MYC: variants seen among roughly 807,000 people sequenced by gnomAD.
MYC encodes myc proto-oncogene protein.
A neutral mutation model predicts 30.5 loss-of-function variants in MYC; 1 was observed. The observed-to-expected ratio is 0.03, with a 90% CI of 0.01 to 0.16. The LOEUF (loss-of-function observed/expected upper bound fraction) is 0.16, where lower values mean the gene tolerates loss of function less well. Ranked by LOEUF, MYC falls within the 10% of genes least tolerant of loss-of-function variation. The pLI, the probability that MYC is intolerant of heterozygous loss-of-function variation, is 1.00. For synonymous variants in MYC, 267 were observed against 250.7 expected (o/e 1.07, Z -0.62); for missense variants, 508 against 589.0 (o/e 0.86, Z 1.42).
rs4645975 is a variant in MYC, at chr8:127,742,625, T to C, written c.*1667T>C. 9.0e-3 allele frequency among the ~76,000 whole-genome samples: 1,377 copies of C among 152,342 alleles called. 22 individuals are homozygous for C. The highest frequency in any genetic ancestry group is 0.032 in the African/African-American group (1,317 of 41,568). On this transcript the variant is annotated 3_prime_UTR_variant, in exon 3 of 3. Coordinates refer to ENST00000621592, the MANE Select transcript of MYC (RefSeq NM_002467.6). ...CCTGGGAAGAAGCCAGTTCAGATCATAAAATAAAACATATTTATTCTTTGT... is the reference window on the plus strand; with the variant it reads ...CCTGGGAAGAAGCCAGTTCAGATCACAAAATAAAACATATTTATTCTTTGT...
rs1403280540 is a variant in MYC, at chr8:127,742,592, T to G, written c.*1634T>G. Among the ~76,000 whole-genome samples the G allele has an allele frequency of 6.6e-6, 1 of 152,242 alleles. No homozygotes were observed. The highest frequency in any genetic ancestry group is 2.4e-5 in the African/African-American group (1 of 41,466). ...TTAGCCATTTGTTGAATCAGACTCA[T>G]GACGGCTCCTGGGAAGAAGCCAGTT... On this transcript the variant is annotated 3_prime_UTR_variant, in exon 3 of 3. Transcript: ENST00000621592.
intron 1 of MYC, among the ~76,000 whole-genome samples, chr8:127,737,944 G>A (rs1013639773): frequency 1.3e-5 from 2 of 152,162 alleles, no homozygotes; most frequent in African/African-American, 4.8e-5. Flanking sequence ...GGCCGATTTC[G>A]ATTCCTCTGC....
At position 127,741,382 on chromosome 8, in the gene MYC, G is replaced by A; in HGVS notation, c.*424G>A. On this transcript the variant is annotated 3_prime_UTR_variant, in exon 3 of 3. Coordinates refer to ENST00000621592, the MANE Select transcript of MYC (RefSeq NM_002467.6). ...TTTTTAAAGTTGATTTTTTTCTATT[G>A]TTTTTAGAAAAAATAAAATAACTGG... The A allele has an allele frequency of 4.4e-6, 1 of 227,776 alleles. No individual in the cohort carries two copies. Among genetic ancestry groups the A allele is most frequent in the Non-Finnish European group, 8.7e-6 (1 of 114,806 alleles). 14.1% of individuals were successfully genotyped at this position (227,776 alleles called of 1,614,324 possible).
chr8:127,740,448 G>T lies in MYC; in HGVS notation c.855G>T (p.Arg285Ser), dbSNP rs199809179. 3.7e-6 allele frequency: 6 copies of T among 1,614,070 alleles called. No homozygotes were observed. Among genetic ancestry groups the T allele is most frequent in the Non-Finnish European group, 5.1e-6 (6 of 1,180,010 alleles). Residue 285 changes from arginine to serine, a missense_variant, in exon 3 of 3, where the codon AGG becomes AGT. This residue lies in a region of MYC where 364 missense variants were observed against 381.1 expected (regional missense o/e 0.96). Transcript: ENST00000621592. ...TCGATGTTGTTTCTGTGGAAAAGAG[G>T]CAGGCTCCTGGCAAAAGGTCAGAGT...
chr8:127,736,945 C>G (rs1813602007), intron 1 of MYC, among the ~76,000 whole-genome samples: 1 of 152,346 alleles, frequency 6.6e-6, no homozygotes, highest in African/African-American at 2.4e-5. Flanking sequence ...GTGTTAATTG[C>G]TCTCTGGGTT....
At chr8:127,735,837 G>T, upstream of MYC, 1 of 399,028 alleles carries the variant, frequency 2.5e-6, no homozygotes, top group Non-Finnish European at 4.4e-6. Flanking sequence ...AAAGAAAATG[G>T]TAGGCGCGCG....
At chr8:127,735,434 G>C, upstream of MYC, 1 of 399,254 alleles carries the variant, frequency 2.5e-6, no homozygotes. Context: ...AAATGCAATG[G>C]GAGTTTATTC....
Position 127,738,963 on chromosome 8 carries a change from G to A in MYC, c.746G>A (p.Ser249Asn), listed in dbSNP as rs772761233. 27 of 1,568,418 alleles carry A rather than the reference G, an allele frequency of 1.7e-5. No homozygotes were observed. Among genetic ancestry groups the A allele is most frequent in the Non-Finnish European group, 2.1e-5 (25 of 1,165,840 alleles). ...TCGACGGAGTCCTCCCCGCAGGGCA[G>A]CCCCGAGCCCCTGGTGCTCCATGAG... Residue 249 changes from serine to asparagine, a missense_variant, in exon 2 of 3, where the codon AGC (serine) becomes AAC (asparagine). This residue lies in a region of MYC where 364 missense variants were observed against 381.1 expected (regional missense o/e 0.96). Transcript: ENST00000621592. The surrounding 1 kb of genome is among the most constrained non-coding windows in gnomAD (Gnocchi z 7.6).
chr8:127,741,014 G>A lies in MYC; in HGVS notation c.*56G>A, dbSNP rs1190366265. ...AGAAATGTCCTGAGCAATCACCTAT[G>A]AACTTGTTTCAAATGCATGATCAAA... On this transcript the variant is annotated 3_prime_UTR_variant, in exon 3 of 3. Transcript: ENST00000621592. 6.8e-7 allele frequency: 1 copy of A among 1,461,446 alleles called. No individual in the cohort carries two copies. 90.5% of individuals were successfully genotyped at this position (1,461,446 alleles called of 1,614,324 possible).
In MYC at chr8:127,736,526, T is replaced by G; in HGVS notation, c.-68T>G. ...ACGCGGGGAGGCTATTCTGCCCATT[T>G]GGGGACACTTCCCCGCCGCTGCCAG... On this transcript the variant is annotated 5_prime_UTR_variant, in exon 1 of 3. Coordinates refer to ENST00000621592, the MANE Select transcript of MYC (RefSeq NM_002467.6). 6.4e-7 allele frequency: 1 copy of G among 1,574,720 alleles called. No individual in the cohort carries two copies. The highest frequency in any genetic ancestry group is 8.7e-7 in the Non-Finnish European group (1 of 1,146,804).
At position 127,738,726 on chromosome 8, in the gene MYC, C is replaced by G. The variant is rs1813652258; in HGVS notation, c.509C>G (p.Ala170Gly). ...GAGAAGCTGGCCTCCTACCAGGCTGCGCGCAAAGACAGCGGCAGCCCGAAC... is the reference window on the plus strand; with the variant it reads ...GAGAAGCTGGCCTCCTACCAGGCTGGGCGCAAAGACAGCGGCAGCCCGAAC... Residue 170 changes from alanine to glycine, a missense_variant, in exon 2 of 3, where the codon GCG (alanine) becomes GGG (glycine). Physicochemically the swap from Ala to Gly is moderately conservative, Grantham distance 60. Around this residue, in one of 5 missense-constraint regions of MYC, gnomAD observed 364 missense variants for 381.1 expected, o/e 0.96. Coordinates refer to ENST00000621592, the MANE Select transcript of MYC (RefSeq NM_002467.6). The surrounding 1 kb of genome is among the most constrained non-coding windows in gnomAD (Gnocchi z 7.6). 1 of 1,613,830 alleles carries G rather than the reference C, an allele frequency of 6.2e-7. No individual in the cohort carries two copies. The highest frequency in any genetic ancestry group is 8.5e-7 in the Non-Finnish European group (1 of 1,179,872).
rs973440966 is a variant in MYC, at chr8:127,742,147, C to T, written c.*1189C>T. 6.6e-6 allele frequency among the ~76,000 whole-genome samples: 1 copy of T among 152,206 alleles called. No individual in the cohort carries two copies. The highest frequency in any genetic ancestry group is 2.4e-5 in the African/African-American group (1 of 41,454). ...CCTAATGGACAGACTCAAGTCATAACAATGCTAAGCTCTATTTGTGTCCCA... is the reference window on the plus strand; with the variant it reads ...CCTAATGGACAGACTCAAGTCATAATAATGCTAAGCTCTATTTGTGTCCCA... On this transcript the variant is annotated 3_prime_UTR_variant, in exon 3 of 3. Transcript: ENST00000621592.
chr8:127,739,072 C>T, intron 2 of MYC, 53 bp downstream of exon 2: 1 of 1,424,278 alleles, frequency 7.0e-7, no homozygotes, highest in Non-Finnish European at 9.2e-7. Context: ...ATACCTTTCC[C>T]ATTTTCATTG....
In MYC at chr8:127,741,049, A is replaced by C; in HGVS notation, c.*91A>C. On this transcript the variant is annotated 3_prime_UTR_variant, in exon 3 of 3. Transcript: ENST00000621592. ...CAAATGCATGATCAAATGCAACCTC[A>C]CAACCTTGGCTGAGTCTTGAGACTG... 206 of 1,230,904 alleles carry C rather than the reference A, an allele frequency of 1.7e-4. No homozygotes were observed. The highest frequency in any genetic ancestry group is 2.0e-4 in the Non-Finnish European group (186 of 914,552). The allele number at this position is 1,230,904 out of a possible 1,614,324, so 76.2% of individuals were successfully genotyped here.
intron 1 of MYC, 125 bp downstream of exon 1, chr8:127,736,748 A>T: frequency 3.8e-6 from 4 of 1,062,866 alleles, no homozygotes; most frequent in Non-Finnish European, 4.1e-6. Context: ...TTCTCAGAGT[A>T]GTTATGGTAA....
rs2130104227 is a variant in MYC at position 127,740,604 on chromosome 8, C to A, written c.1011C>A (p.Ala337=). ...CCACTCGGAAGGACTATCCTGCTGCCAAGAGGGTCAAGTTGGACAGTGTCA... is the reference window on the plus strand; with the variant it reads ...CCACTCGGAAGGACTATCCTGCTGCAAAGAGGGTCAAGTTGGACAGTGTCA... The change falls in exon 3 of 3, where the codon GCC becomes GCA. Residue 337 remains alanine (A), a synonymous_variant. Transcript: ENST00000621592. The A allele has an allele frequency of 1.2e-6, 2 of 1,614,000 alleles. No homozygotes were observed. The highest frequency in any genetic ancestry group is 1.1e-5 in the South Asian group (1 of 91,076).
At position 127,738,478 on chromosome 8, in the gene MYC, C is replaced by G. The variant is rs2130093808; in HGVS notation, c.261C>G (p.Pro87=). ...GCCGCCGCTCCGGGCTCTGCTCGCC[C>G]TCCTACGTTGCGGTCACACCCTTCT... Residue 87 remains proline, a synonymous_variant, in exon 2 of 3, where the codon CCC becomes CCG. Transcript: ENST00000621592. The surrounding 1 kb of genome is among the most constrained non-coding windows in gnomAD (Gnocchi z 7.6). 1 of 1,606,260 alleles carries G rather than the reference C, an allele frequency of 6.2e-7. No individual in the cohort carries two copies. Among genetic ancestry groups the G allele is most frequent in the Non-Finnish European group, 8.5e-7 (1 of 1,174,918 alleles).
rs765924453 is a variant in MYC at position 127,740,620 on chromosome 8, G to A, written c.1027G>A (p.Asp343Asn). The change falls in exon 3 of 3, where the codon GAC becomes AAC. Residue 343 changes from aspartate (D) to asparagine (N), a missense_variant. By Grantham distance (23) the Asp-to-Asn change is conservative. Coordinates refer to ENST00000621592, the MANE Select transcript of MYC (RefSeq NM_002467.6). ...TCCTGCTGCCAAGAGGGTCAAGTTG[G>A]ACAGTGTCAGAGTCCTGAGACAGAT... 3.7e-6 allele frequency: 6 copies of A among 1,614,050 alleles called. No homozygotes were observed. In the South Asian group the frequency reaches 4.4e-5, roughly 12 times the overall value.
At chr8:127,739,998 G>A (rs1342953961) in intron 2 of MYC, among the ~76,000 whole-genome samples, 2 of 148,724 alleles carry the variant, frequency 1.3e-5, no homozygotes, top group Admixed American at 6.7e-5. Context: ...TTAAGACGGA[G>A]TCTCACTCTG....
Sources: gnomAD v4.1 joint callset for allele counts (sites outside exome capture counted in the v4.1 genomes callset) on GRCh38, gnomAD v4.1.1 for gene constraint, gnomAD v4.1.1 regional missense constraint, Gnocchi (gnomAD v3.1) non-coding constraint, MANE v1.5 for transcripts, NCBI Gene and HGNC (gene_info 2026-07-23, HGNC 2026-07-21) for gene names.